Variants in ADAMTS5 observed in about 807,000 individuals in gnomAD.
The protein encoded by ADAMTS5 is A disintegrin and metalloproteinase with thrombospondin motifs 5.
Under a neutral mutation model 81.4 loss-of-function variants are expected in ADAMTS5, and 54 were observed. The observed-to-expected ratio is 0.66, with a 90% CI of 0.53 to 0.83. The LOEUF (loss-of-function observed/expected upper bound fraction) is 0.83, where lower values mean the gene tolerates loss of function less well. Among genes scored for constraint, ADAMTS5 ranks in the 40% least tolerant of loss-of-function variants. ADAMTS5 has a pLI of 0.00. For missense variants in ADAMTS5, 1,194 were observed against 1,229.9 expected (o/e 0.97, Z 0.44); for synonymous variants, 532 against 508.8 (o/e 1.05, Z -0.61).
chr21:26,966,836 C>G lies in ADAMTS5; in HGVS notation c.-445G>C, dbSNP rs1246498695. 6.6e-6 allele frequency among the ~76,000 whole-genome samples: 1 copy of G among 152,138 alleles called. No homozygotes were observed. Among genetic ancestry groups the G allele is most frequent in the Non-Finnish European group, 1.5e-5 (1 of 68,024 alleles). On this transcript the variant is annotated 5_prime_UTR_variant, in exon 1 of 8. Coordinates refer to ENST00000284987, the MANE Select transcript of ADAMTS5 (RefSeq NM_007038.5). ...CCGCCCCCGCGCTGCGCTGGACAAG[C>G]CGGCTGTGGAGGTTCCAAGCTCCGG...
Position 26,928,681 on chromosome 21 carries a change from TTTTC to T in ADAMTS5, c.2225+1201_2225+1204del, listed in dbSNP as rs1051523557. 2.6e-5 allele frequency among the ~76,000 whole-genome samples: 4 copies of T among 151,346 alleles called. No individual in the cohort carries two copies. In the East Asian group the frequency reaches 5.8e-4, roughly 22 times the overall value. On this transcript the variant is annotated intron_variant, in intron 7 of 7. Transcript: ENST00000284987. ...TCTTTCTTTCTCTTTCTTTCTTTCT[TTTTC>T]TTTCTTTCTCTCTCTCTCTTTCTTT...
intron 1 of ADAMTS5, among the ~76,000 whole-genome samples, chr21:26,960,334 A>G (rs1987505287): frequency 6.6e-6 from 1 of 152,146 alleles, no homozygotes; most frequent in South Asian, 2.1e-4. Context: ...TGTTCTTTTC[A>G]ATGATTGCCA....
In ADAMTS5 at chr21:26,924,418, C is replaced by T. The variant is rs1275168164; in HGVS notation, c.2428G>A (p.Gly810Ser). Residue 810 changes from glycine (G) to serine (S), a missense_variant, in exon 8 of 8, where the codon GGT becomes AGT. By Grantham distance (56) the Gly-to-Ser change is moderately conservative (BLOSUM62 0). Coordinates refer to ENST00000284987, the MANE Select transcript of ADAMTS5 (RefSeq NM_007038.5). ...AGGAAGTCATCCCTGTGGCTCCAACCGCTATAGTTCATGACTGTTCCATTG... is the reference window on the plus strand; with the variant it reads ...AGGAAGTCATCCCTGTGGCTCCAACTGCTATAGTTCATGACTGTTCCATTG... The part of the protein sequence containing the change: ...DINGTVMNYS[G>S]WSHRDDFLHG... 28 of 1,614,018 alleles carry T rather than the reference C, an allele frequency of 1.7e-5. No individual in the cohort carries two copies. Among genetic ancestry groups the T allele is most frequent in the East Asian group, 2.2e-5 (1 of 44,892 alleles).
intron 7 of ADAMTS5, among the ~76,000 whole-genome samples, chr21:26,925,940 C>T (rs1464743834): frequency 2.0e-5 from 3 of 152,194 alleles, no homozygotes; most frequent in Non-Finnish European, 4.4e-5. Context: ...TTTTGTAATA[C>T]ATTACAGATC....
intron 7 of ADAMTS5, among the ~76,000 whole-genome samples, chr21:26,925,934 G>A (rs1481091036): frequency 6.6e-6 from 1 of 152,150 alleles, no homozygotes; most frequent in African/African-American, 2.4e-5. Flanking sequence ...TTTTATTTTT[G>A]TAATACATTA....
chr21:26,957,894 A>C (rs1987458676), intron 1 of ADAMTS5, among the ~76,000 whole-genome samples: 1 of 152,178 alleles, frequency 6.6e-6, no homozygotes, highest in African/African-American at 2.4e-5. Context: ...AGGAGACTAT[A>C]AATATGGCCA....
Position 26,966,252 on chromosome 21 carries a change from T to C in ADAMTS5, c.140A>G (p.Gln47Arg), listed in dbSNP as rs1987667244. The stretch of plus-strand genomic sequence containing the variant: ...GGCTCGCTCCTGCACCTCCTCCCCC[T>C]GCCGCCGGCGGGGCTGGGCGGCTGC... ...AAAAAQPRRR[Q>R]GEEVQERAEP... is the part of the protein sequence containing the mutation. Residue 47 changes from glutamine to arginine, a missense_variant, in exon 1 of 8, where the codon CAG (glutamine) becomes CGG (arginine). By Grantham distance (43) the Gln-to-Arg change is conservative. Around this residue, in one of 2 missense-constraint regions of ADAMTS5, gnomAD observed 498 missense variants for 412.3 expected, o/e 1.21. Transcript: ENST00000284987. 1.3e-6 allele frequency: 2 copies of C among 1,595,914 alleles called. No homozygotes were observed. The highest frequency in any genetic ancestry group is 1.7e-6 in the Non-Finnish European group (2 of 1,173,726).
At chr21:26,956,304 C>G (rs1041001690) in intron 1 of ADAMTS5, among the ~76,000 whole-genome samples, 8 of 152,116 alleles carry the variant, frequency 5.3e-5, no homozygotes, top group African/African-American at 1.9e-4. Flanking sequence ...ATTATGAGTT[C>G]CCAGCTGAGA....
rs541634526 is a variant in ADAMTS5 at position 26,941,837 on chromosome 21, G to A, written c.1405+1543C>T. 8.1e-4 allele frequency among the ~76,000 whole-genome samples: 123 copies of A among 152,224 alleles called. 1 individual carries two copies. In the Middle Eastern group the frequency reaches 0.014, roughly 17 times the overall value. On this transcript the variant is annotated intron_variant, in intron 3 of 7. Coordinates refer to ENST00000284987, the MANE Select transcript of ADAMTS5 (RefSeq NM_007038.5). ...CCCAAGAAGGACTTTATGAGATACT[G>A]ACCTGATCAATGTAGATAGGATGAT...
chr21:26,933,120 C>G, intron 4 of ADAMTS5, 76 bp from the exon 5 acceptor site: 1 of 1,420,404 alleles, frequency 7.0e-7, no homozygotes, highest in Admixed American at 2.6e-5. Flanking sequence ...AAATCACCTG[C>G]ATTTAATGAC....
intron 2 of ADAMTS5, among the ~76,000 whole-genome samples, chr21:26,947,527 G>A (rs1464907913): frequency 1.3e-5 from 2 of 151,566 alleles, no homozygotes; most frequent in East Asian, 1.9e-4. Context: ...TCCACCTCCC[G>A]GGTTCAAGTG....
intron 3 of ADAMTS5, among the ~76,000 whole-genome samples, chr21:26,938,679 G>C (rs901876478): frequency 6.6e-6 from 1 of 152,058 alleles, no homozygotes; most frequent in Admixed American, 6.6e-5. Context: ...ACAGGCATGC[G>C]CCAACATGCC....
chr21:26,923,957 A>C lies in ADAMTS5; in HGVS notation c.*96T>G. The C allele has an allele frequency of 7.7e-7, 1 of 1,291,424 alleles. No homozygotes were observed. The highest frequency in any genetic ancestry group is 1.0e-6 in the Non-Finnish European group (1 of 953,584). 80.0% of individuals were successfully genotyped at this position (1,291,424 alleles called of 1,614,324 possible). A position where few individuals can be genotyped will look rare whatever the true frequency, so the allele number is the denominator to read the frequency against. Reference sequence around the variant, plus strand: ...CTCCTGTTGACAATGTCACTGAAGCATGACTTTCTGTGCGTTAGGTAGACC... The same window carrying C: ...CTCCTGTTGACAATGTCACTGAAGCCTGACTTTCTGTGCGTTAGGTAGACC... On this transcript the variant is annotated 3_prime_UTR_variant, in exon 8 of 8. Transcript: ENST00000284987.
At chr21:26,930,962 T>A (rs1269245132) in intron 6 of ADAMTS5, among the ~76,000 whole-genome samples, 1 of 152,164 alleles carries the variant, frequency 6.6e-6, no homozygotes, top group East Asian at 1.9e-4. Flanking sequence ...TATTTTCTAA[T>A]AAAAACATGA....
intron 2 of ADAMTS5, among the ~76,000 whole-genome samples, chr21:26,946,431 G>A (rs1161121660): frequency 3.9e-5 from 6 of 152,098 alleles, no homozygotes; most frequent in Admixed American, 1.3e-4. Flanking sequence ...TCCAGAATCC[G>A]GGGAATTTAA....
rs772393769 is a variant in ADAMTS5, at chr21:26,919,105, A to C, written c.*4948T>G. 2.6e-5 allele frequency: 4 copies of C among 152,098 alleles called. No homozygotes were observed. Among genetic ancestry groups the C allele is most frequent in the Non-Finnish European group, 4.4e-5 (3 of 67,964 alleles). 9.4% of individuals were successfully genotyped at this position (152,098 alleles called of 1,614,324 possible). On this transcript the variant is annotated 3_prime_UTR_variant, in exon 8 of 8. Transcript: ENST00000284987. ...ATCATGTAGAAAAATAGTAACTCAA[A>C]AATACCACATTTGACAGTCGGTCAC...
chr21:26,920,754 T>A lies in ADAMTS5; in HGVS notation c.*3299A>T, dbSNP rs1986675788. On this transcript the variant is annotated 3_prime_UTR_variant, in exon 8 of 8. Transcript: ENST00000284987. ...CCTTGTTTCATTGAATAAGTGTTTT[T>A]CTTATTTGTGACTTGGAAAAAATAG... The A allele has an allele frequency of 6.6e-6, 1 of 152,130 alleles. No individual in the cohort carries two copies. The highest frequency in any genetic ancestry group is 1.5e-5 in the Non-Finnish European group (1 of 67,998). 9.4% of individuals were successfully genotyped at this position (152,130 alleles called of 1,614,324 possible). A position where few individuals can be genotyped will look rare whatever the true frequency, so the allele number is the denominator to read the frequency against.
chr21:26,934,143 C>G (rs115727206), intron 4 of ADAMTS5, among the ~76,000 whole-genome samples: 4 of 152,150 alleles, frequency 2.6e-5, no homozygotes, highest in African/African-American at 9.7e-5. Context: ...ATAACTTTAG[C>G]AAGAGAAGCT....
intron 1 of ADAMTS5, among the ~76,000 whole-genome samples, chr21:26,964,081 T>C (rs1987585874): frequency 6.6e-6 from 1 of 152,228 alleles, no homozygotes; most frequent in South Asian, 2.1e-4. Context: ...CTATCCTTGT[T>C]CTGTTTGCTT....
Sources: gnomAD v4.1 joint callset for allele counts (sites outside exome capture counted in the v4.1 genomes callset) on GRCh38, gnomAD v4.1.1 for gene constraint, gnomAD v4.1.1 regional missense constraint, MANE v1.5 for transcripts, NCBI Gene and HGNC (gene_info 2026-07-23, HGNC 2026-07-21) for gene names.